PTPRD: variants seen among roughly 807,000 people sequenced by gnomAD.
PTPRD encodes the protein receptor-type tyrosine-protein phosphatase delta.
Under a neutral mutation model 214.5 loss-of-function variants are expected in PTPRD, and 34 were observed. The ratio of observed to expected loss-of-function variants is 0.16; its 90% CI spans 0.12 to 0.21. The LOEUF (loss-of-function observed/expected upper bound fraction) is 0.21, where lower values mean the gene tolerates loss of function less well. Among genes scored for constraint, PTPRD ranks in the 10% least tolerant of loss-of-function variants. PTPRD has a pLI of 1.00. For synonymous variants in PTPRD, 1,128 were observed against 845.7 expected (o/e 1.33, Z -5.79); for missense variants, 2,545 against 2,398.7 (o/e 1.06, Z -1.27).
At chr9:8,637,108 G>C (rs896225700) in intron 12 of PTPRD, among the ~76,000 whole-genome samples, 1 of 151,988 alleles carries the variant, frequency 6.6e-6, no homozygotes, top group Non-Finnish European at 1.5e-5. Flanking sequence ...AATAACATCC[G>C]AAAAGCAACA....
At chr9:9,895,819 T>C (rs1393502122) in intron 5 of PTPRD, among the ~76,000 whole-genome samples, 2 of 152,120 alleles carry the variant, frequency 1.3e-5, no homozygotes, top group Non-Finnish European at 1.5e-5. Flanking sequence ...TAAAACCTCA[T>C]TGATTTATAC....
intron 2 of PTPRD, among the ~76,000 whole-genome samples, chr9:10,505,277 G>A (rs1023173627): frequency 2.0e-5 from 3 of 152,148 alleles, no homozygotes; most frequent in African/African-American, 7.2e-5. Context: ...TTCCCAAAGA[G>A]AGGCAATTAG....
intron 3 of PTPRD, among the ~76,000 whole-genome samples, chr9:10,046,677 G>T (rs560170520): frequency 6.6e-6 from 1 of 151,852 alleles, no homozygotes; most frequent in Non-Finnish European, 1.5e-5. Flanking sequence ...ATTAAACATG[G>T]ACCACTTACT....
At chr9:8,535,361 T>G (rs1160011960) in intron 14 of PTPRD, among the ~76,000 whole-genome samples, 3 of 151,990 alleles carry the variant, frequency 2.0e-5, no homozygotes, top group Admixed American at 1.3e-4. Flanking sequence ...GCATAGTGTT[T>G]GTGCCAAGTA....
At chr9:9,036,209 T>TAAAAAAAA (rs34390768) in intron 10 of PTPRD, among the ~76,000 whole-genome samples, 1 of 141,136 alleles carries the variant, frequency 7.1e-6, no homozygotes, top group Non-Finnish European at 1.5e-5. Context: ...TTCAGAAAAT[T>TAAAAAAAA]AAAAAAAAAA....
rs1565765325 is a variant in PTPRD, at chr9:8,748,533, A to AAAAAG, written c.-103-14588_-103-14587insCTTTT. 3.8e-5 allele frequency among the ~76,000 whole-genome samples: 5 copies of AAAAAG among 129,980 alleles called. No homozygotes were observed. The East Asian group carries it at 6.2e-4, about 16-fold the overall frequency. The allele number at this position is 129,980 out of a possible 152,430, so 85.3% of individuals were successfully genotyped here. A position where few individuals can be genotyped will look rare whatever the true frequency, so the allele number is the denominator to read the frequency against. ...AAATCCTGCAACTGCAAAAAAAAAA[A>AAAAAG]AAAAAAAGAAAAAGAAAAAGAAAAA... On this transcript the variant is annotated intron_variant, in intron 11 of 45. Transcript: ENST00000381196.
At chr9:10,572,183 G>A (rs758481699) in intron 2 of PTPRD, among the ~76,000 whole-genome samples, 1 of 152,074 alleles carries the variant, frequency 6.6e-6, no homozygotes, top group Non-Finnish European at 1.5e-5. Flanking sequence ...GTAAAGTATA[G>A]AATTTTTGGA....
chr9:8,444,599 T>C (rs1162419338), intron 34 of PTPRD, among the ~76,000 whole-genome samples: 2 of 152,132 alleles, frequency 1.3e-5, no homozygotes, highest in South Asian at 4.1e-4. Context: ...GTGCTTTTGT[T>C]GGACCGTTTC....
chr9:9,940,774 G>C (rs563322379), intron 4 of PTPRD, among the ~76,000 whole-genome samples: 1 of 152,126 alleles, frequency 6.6e-6, no homozygotes, highest in East Asian at 1.9e-4. Context: ...CTTTCGTAAG[G>C]GTTGTTCCCT....
At chr9:10,221,019 C>T (rs946178869) in intron 3 of PTPRD, among the ~76,000 whole-genome samples, 23 of 151,844 alleles carry the variant, frequency 1.5e-4, no homozygotes, top group Non-Finnish European at 1.0e-4. Context: ...AAGAATCCCC[C>T]GAGGAAGAAA....
At chr9:9,897,302 A>G (rs1222811460) in intron 5 of PTPRD, among the ~76,000 whole-genome samples, 2 of 152,088 alleles carry the variant, frequency 1.3e-5, no homozygotes, top group Admixed American at 6.6e-5. Flanking sequence ...TTGCTATATG[A>G]AATCTATATA....
chr9:10,560,138 G>C (rs949919098), intron 2 of PTPRD, among the ~76,000 whole-genome samples: 10 of 152,082 alleles, frequency 6.6e-5, no homozygotes, highest in African/African-American at 2.2e-4. Flanking sequence ...ATTCACAATA[G>C]CAAAGACATG....
chr9:9,413,023 G>A (rs1195352789), intron 8 of PTPRD, among the ~76,000 whole-genome samples: 1 of 151,002 alleles, frequency 6.6e-6, no homozygotes, highest in Non-Finnish European at 1.5e-5. Flanking sequence ...TCTTGATGTA[G>A]GGTTGTTATT....
chr9:9,491,921 G>A lies in PTPRD; in HGVS notation c.-237+82811C>T, dbSNP rs1359702281. Among the ~76,000 whole-genome samples the A allele has an allele frequency of 2.0e-5, 3 of 151,834 alleles. No homozygotes were observed. The East Asian group carries it at 5.8e-4, about 29-fold the overall frequency. On this transcript the variant is annotated intron_variant, in intron 8 of 45. Transcript: ENST00000381196. ...GCAGAGATCAATGAAATAGATAATAGAAAAACAGTAGAGTAAATCAATGAA... is the reference window on the plus strand; with the variant it reads ...GCAGAGATCAATGAAATAGATAATAAAAAAACAGTAGAGTAAATCAATGAA...
intron 10 of PTPRD, among the ~76,000 whole-genome samples, chr9:9,084,278 C>T (rs189717196): frequency 6.6e-6 from 1 of 152,134 alleles, no homozygotes; most frequent in Non-Finnish European, 1.5e-5. Flanking sequence ...TAGAAACCAT[C>T]ATTCTCAGCA....
intron 3 of PTPRD, among the ~76,000 whole-genome samples, chr9:10,062,903 A>G (rs2097799963): frequency 6.6e-6 from 1 of 152,084 alleles, no homozygotes; most frequent in South Asian, 2.1e-4. Context: ...TTAATGAATT[A>G]GTTGAGACAA....
intron 4 of PTPRD, among the ~76,000 whole-genome samples, chr9:9,997,120 T>C (rs982303960): frequency 6.6e-6 from 1 of 152,106 alleles, no homozygotes; most frequent in Non-Finnish European, 1.5e-5. Context: ...AAGAATAATA[T>C]CTTGCCAAAT....
chr9:9,861,587 C>G (rs1372116618), intron 5 of PTPRD, among the ~76,000 whole-genome samples: 5 of 152,080 alleles, frequency 3.3e-5, no homozygotes, highest in Non-Finnish European at 7.4e-5. Context: ...CCGCACATGG[C>G]CGAAATAGTT....
At chr9:9,092,616 T>A (rs1419082146) in intron 10 of PTPRD, among the ~76,000 whole-genome samples, 1 of 152,010 alleles carries the variant, frequency 6.6e-6, no homozygotes, top group East Asian at 1.9e-4. Flanking sequence ...CATGAAAAAG[T>A]TATGACTTGA....
Sources: gnomAD v4.1 joint callset for allele counts (sites outside exome capture counted in the v4.1 genomes callset) on GRCh38, gnomAD v4.1.1 for gene constraint, MANE v1.5 for transcripts, NCBI Gene and HGNC (gene_info 2026-07-23, HGNC 2026-07-21) for gene names.